Variants in KHDRBS2 observed in about 807,000 individuals in gnomAD.
The protein encoded by KHDRBS2 is KH RNA binding domain containing, signal transduction associated 2.
In KHDRBS2, 26 loss-of-function variants were observed where a neutral mutation model predicts 44.3. The observed-to-expected ratio is 0.59, with a 90% CI of 0.43 to 0.81. The LOEUF (loss-of-function observed/expected upper bound fraction) is 0.81, where lower values mean the gene tolerates loss of function less well. Among genes scored for constraint, KHDRBS2 ranks in the 40% least tolerant of loss-of-function variants. The probability of loss-of-function intolerance (pLI) is 0.00; values close to 1 mark genes in which losing one functional copy is unlikely to be tolerated. For missense variants in KHDRBS2, 476 were observed against 433.1 expected (o/e 1.10, Z -0.88); for synonymous variants, 194 against 151.1 (o/e 1.28, Z -2.08).
chr6:62,169,164 C>CGTAT (rs1819420877), intron 2 of KHDRBS2, among the ~76,000 whole-genome samples: 1 of 73,330 alleles, frequency 1.4e-5, no homozygotes, highest in East Asian at 3.7e-4. Flanking sequence ...TATACGTACA[C>CGTAT]ATATATGTAT....
intron 7 of KHDRBS2, among the ~76,000 whole-genome samples, chr6:61,726,725 G>A (rs1055040545): frequency 4.6e-5 from 7 of 152,104 alleles, no homozygotes; most frequent in South Asian, 2.1e-4. Context: ...GGGAAGTGAC[G>A]GATCTCTTCA....
At chr6:62,248,911 A>C (rs1192615324) in intron 1 of KHDRBS2, among the ~76,000 whole-genome samples, 6 of 152,246 alleles carry the variant, frequency 3.9e-5, no homozygotes, top group African/African-American at 1.4e-4. Context: ...AGGGCATTTA[A>C]ATTTAAGAAC....
chr6:61,631,423 G>A, the KHDRBS2 span, among the ~76,000 whole-genome samples: 2 of 151,924 alleles, frequency 1.3e-5, no homozygotes, highest in South Asian at 2.1e-4. Flanking sequence ...CAGGAGCAAG[G>A]GGGAAGGGTT....
intron 3 of KHDRBS2, among the ~76,000 whole-genome samples, chr6:62,039,164 G>T (rs1173438576): frequency 1.3e-5 from 2 of 151,610 alleles, no homozygotes; most frequent in African/African-American, 4.8e-5. Flanking sequence ...CTCTAGATTT[G>T]TTTGCTATAC....
At chr6:61,790,529 A>G (rs1168246420) in intron 6 of KHDRBS2, among the ~76,000 whole-genome samples, 2 of 151,508 alleles carry the variant, frequency 1.3e-5, no homozygotes, top group African/African-American at 4.8e-5. Context: ...CCTCAAAATA[A>G]CTAAGTTAAA....
At position 61,983,199 on chromosome 6, in the gene KHDRBS2, A is replaced by ATTTTCTTTC. The variant is rs1491047179; in HGVS notation, c.337-4996_337-4988dup. Among the ~76,000 whole-genome samples, 12 of 124,974 alleles carry ATTTTCTTTC rather than the reference A, an allele frequency of 9.6e-5. 1 individual carries two copies. Among genetic ancestry groups the ATTTTCTTTC allele is most frequent in the Admixed American group, 8.5e-4 (10 of 11,788 alleles). The allele number at this position is 124,974 out of a possible 152,430, so 82.0% of individuals were successfully genotyped here. On this transcript the variant is annotated intron_variant, in intron 3 of 8. Coordinates refer to ENST00000281156, the MANE Select transcript of KHDRBS2 (RefSeq NM_152688.4). The stretch of plus-strand genomic sequence containing the variant: ...ATTTTGAGTAATTAAAGTTTTTTTC[A>ATTTTCTTTC]TTTTCTTTCTTTCTTTCTTTCTTTC...
chr6:61,955,662 G>A (rs894692210), intron 4 of KHDRBS2, among the ~76,000 whole-genome samples: 1 of 148,158 alleles, frequency 6.7e-6, no homozygotes, highest in Non-Finnish European at 1.5e-5. Context: ...ATGCATATAT[G>A]TGTATATGTA....
chr6:61,740,353 A>G (rs1396376204), intron 6 of KHDRBS2, among the ~76,000 whole-genome samples: 1 of 151,958 alleles, frequency 6.6e-6, no homozygotes, highest in African/African-American at 2.4e-5. Flanking sequence ...AATGTCTAAG[A>G]AACAGTAGGG....
chr6:62,129,115 T>A (rs976772428), intron 2 of KHDRBS2, among the ~76,000 whole-genome samples: 6 of 152,098 alleles, frequency 3.9e-5, no homozygotes, highest in African/African-American at 1.2e-4. Flanking sequence ...AATTACTCCA[T>A]CTTGCTGCAG....
chr6:61,946,858 C>A lies in KHDRBS2; in HGVS notation c.483+31208G>T, dbSNP rs900171521. ...TCTTTCTTCTGACTATCTGCTATTG[C>A]CTTTCACTGGCCCAACTCAGATACT... is the stretch of plus-strand genomic sequence containing the variant. On this transcript the variant is annotated intron_variant, in intron 4 of 8. Transcript: ENST00000281156. 5.3e-5 allele frequency among the ~76,000 whole-genome samples: 8 copies of A among 152,196 alleles called. No homozygotes were observed. In the East Asian group the frequency reaches 7.8e-4, roughly 15 times the overall value.
intron 6 of KHDRBS2, among the ~76,000 whole-genome samples, chr6:61,892,265 T>A (rs1801987004): frequency 6.6e-6 from 1 of 152,152 alleles, no homozygotes; most frequent in Non-Finnish European, 1.5e-5. Flanking sequence ...TACAAACAAA[T>A]GGAAGAACAT....
intron 2 of KHDRBS2, among the ~76,000 whole-genome samples, chr6:62,067,415 CTAAT>C (rs1183527931): frequency 6.6e-6 from 1 of 151,482 alleles, no homozygotes; most frequent in Non-Finnish European, 1.5e-5. Context: ...TCTGTCCAAA[CTAAT>C]TAAGAGCTCT....
At chr6:62,048,083 C>T (rs1788106993) in intron 2 of KHDRBS2, 89 bp from the exon 3 acceptor site, 1 of 728,632 alleles carries the variant, frequency 1.4e-6, no homozygotes, top group Non-Finnish European at 2.5e-6. Context: ...ATAGGTTTTC[C>T]AAACTTTACC....
chr6:61,798,073 T>C (rs1785663734), intron 6 of KHDRBS2, among the ~76,000 whole-genome samples: 1 of 152,074 alleles, frequency 6.6e-6, no homozygotes, highest in African/African-American at 2.4e-5. Flanking sequence ...TTTGTGTCCA[T>C]GTATTCTTGT....
chr6:61,958,059 CT>C (rs1255470123), intron 4 of KHDRBS2, among the ~76,000 whole-genome samples: 1 of 152,080 alleles, frequency 6.6e-6, no homozygotes, highest in Non-Finnish European at 1.5e-5. Context: ...CTTTTATCCC[CT>C]ATTCTCAATC....
chr6:61,993,093 T>C (rs1051401738), intron 3 of KHDRBS2, among the ~76,000 whole-genome samples: 2 of 152,166 alleles, frequency 1.3e-5, no homozygotes, highest in African/African-American at 2.4e-5. Flanking sequence ...GAATGTTTTC[T>C]CAAAGTCTGC....
chr6:61,845,593 C>T (rs1794287629), intron 6 of KHDRBS2, among the ~76,000 whole-genome samples: 1 of 152,168 alleles, frequency 6.6e-6, no homozygotes, highest in South Asian at 2.1e-4. Context: ...CAGGCGTGAG[C>T]CTCTGCACAC....
At chr6:62,241,539 C>T (rs966304728) in intron 1 of KHDRBS2, among the ~76,000 whole-genome samples, 41 of 151,286 alleles carry the variant, frequency 2.7e-4, no homozygotes, top group African/African-American at 9.0e-4. Flanking sequence ...TTTTTTTTCC[C>T]AGCAATGCTC....
At chr6:62,104,792 T>C (rs1197554016) in intron 2 of KHDRBS2, among the ~76,000 whole-genome samples, 2 of 151,656 alleles carry the variant, frequency 1.3e-5, no homozygotes. Flanking sequence ...TTACAATAAA[T>C]GAAATAAATA....
Sources: gnomAD v4.1 joint callset for allele counts (sites outside exome capture counted in the v4.1 genomes callset) on GRCh38, gnomAD v4.1.1 for gene constraint, MANE v1.5 for transcripts, NCBI Gene and HGNC (gene_info 2026-07-23, HGNC 2026-07-21) for gene names.